Variants in SRBD1 observed in about 807,000 individuals in gnomAD.
The protein encoded by SRBD1 is S1 RNA binding domain 1.
Under a neutral mutation model 115.3 loss-of-function variants are expected in SRBD1, and 88 were observed. The ratio of observed to expected loss-of-function variants is 0.76; its 90% CI spans 0.64 to 0.91. The LOEUF (loss-of-function observed/expected upper bound fraction) is 0.91, where lower values mean the gene tolerates loss of function less well. Among genes scored for constraint, SRBD1 ranks in the 40% least tolerant of loss-of-function variants. The pLI is 0.00. For missense variants in SRBD1, 1,385 were observed against 1,177.4 expected (o/e 1.18, Z -2.58); for synonymous variants, 509 against 407.7 (o/e 1.25, Z -2.99).
rs201406220 is a variant in SRBD1 at position 45,573,310 on chromosome 2, G to C, written c.1202C>G (p.Ser401Cys). 2.7e-4 allele frequency: 434 copies of C among 1,611,522 alleles called. No individual in the cohort carries two copies. Among genetic ancestry groups the C allele is most frequent in the Non-Finnish European group, 3.6e-4 (423 of 1,179,140 alleles). Residue 401 changes from serine (S) to cysteine (C), a missense_variant, in exon 9 of 21, where the codon TCT (serine) becomes TGT (cysteine). Transcript: ENST00000263736. ...CQKRHVCIQS[S>C]LAKVSSKKVN... ...CTTTTTTGAGGATACTTTTGCCAGA[G>C]ATGACTGGATACAAACATGTCTCTT...
chr2:45,586,197 G>A (rs1030975505), intron 4 of SRBD1, among the ~76,000 whole-genome samples: 1 of 152,104 alleles, frequency 6.6e-6, no homozygotes, highest in East Asian at 1.9e-4. Context: ...ACAAACTTTG[G>A]CCCAGCAGCA....
chr2:45,569,969 C>A (rs1157523716), intron 9 of SRBD1, among the ~76,000 whole-genome samples: 1 of 152,224 alleles, frequency 6.6e-6, no homozygotes, highest in African/African-American at 2.4e-5. Flanking sequence ...TTTCTTCAGA[C>A]ATTCACTAGA....
At chr2:45,578,770 C>A (rs1455392363) in intron 7 of SRBD1, among the ~76,000 whole-genome samples, 2 of 152,106 alleles carry the variant, frequency 1.3e-5, no homozygotes, top group African/African-American at 4.8e-5. Flanking sequence ...GACTAGAGTT[C>A]TAACATACAA....
rs1259836192 is a variant in SRBD1, at chr2:45,599,819, A to G, written c.278T>C (p.Ile93Thr). 3.7e-6 allele frequency: 6 copies of G among 1,612,650 alleles called. No individual in the cohort carries two copies. In the African/African-American group the frequency reaches 4.0e-5, roughly 11 times the overall value. ...TCTGTCTTCTAAAGCAGTATCAGCAATAGCCACAGAGCTATTCTATCAAAC... is the reference window on the plus strand; with the variant it reads ...TCTGTCTTCTAAAGCAGTATCAGCAGTAGCCACAGAGCTATTCTATCAAAC... Reference protein sequence around the residue: ...VKEELNSSVAIADTALEDRKN... With the variant: ...VKEELNSSVATADTALEDRKN... Residue 93 changes from isoleucine (I) to threonine (T), a missense_variant, in exon 4 of 21, where the codon ATT becomes ACT. Coordinates refer to ENST00000263736, the MANE Select transcript of SRBD1 (RefSeq NM_018079.5).
intron 14 of SRBD1, among the ~76,000 whole-genome samples, chr2:45,523,188 T>C (rs946746098): frequency 7.1e-6 from 1 of 141,184 alleles, no homozygotes; most frequent in African/African-American, 2.7e-5. Flanking sequence ...CTAAAGGATA[T>C]AGCTAAGAAC....
At chr2:45,469,715 A>G (rs564715032) in intron 16 of SRBD1, among the ~76,000 whole-genome samples, 10 of 152,290 alleles carry the variant, frequency 6.6e-5, no homozygotes, top group African/African-American at 1.9e-4. Flanking sequence ...ATTCTAACAC[A>G]TGAGTTGGGT....
intron 2 of SRBD1, among the ~76,000 whole-genome samples, chr2:45,602,759 T>C (rs1674139298): frequency 6.6e-6 from 1 of 152,236 alleles, no homozygotes; most frequent in Non-Finnish European, 1.5e-5. Context: ...GCCAACCCAG[T>C]TAATTCCATT....
intron 16 of SRBD1, among the ~76,000 whole-genome samples, chr2:45,430,253 A>T (rs1222546074): frequency 6.6e-6 from 1 of 152,184 alleles, no homozygotes; most frequent in Non-Finnish European, 1.5e-5. Context: ...CCCCCCATCA[A>T]GCTACCACTG....
At chr2:45,608,375 T>C (rs902677866) in intron 1 of SRBD1, among the ~76,000 whole-genome samples, 9 of 152,152 alleles carry the variant, frequency 5.9e-5, no homozygotes, top group Admixed American at 3.3e-4. Flanking sequence ...TTAGAAAGAA[T>C]ATATACAAAA....
chr2:45,518,645 A>T (rs1245160389), intron 14 of SRBD1, among the ~76,000 whole-genome samples: 1 of 152,182 alleles, frequency 6.6e-6, no homozygotes, highest in African/African-American at 2.4e-5. Flanking sequence ...CCTTTGTAAG[A>T]ATCAACCAAG....
chr2:45,562,551 A>G, intron 10 of SRBD1, 102 bp downstream of exon 10: 1 of 934,170 alleles, frequency 1.1e-6, no homozygotes, highest in Non-Finnish European at 1.5e-6. Context: ...CTTTTTAAAA[A>G]TGTTCACGTA....
chr2:45,530,818 A>T (rs1005676412), intron 14 of SRBD1, among the ~76,000 whole-genome samples: 1 of 152,018 alleles, frequency 6.6e-6, no homozygotes, highest in Non-Finnish European at 1.5e-5. Context: ...TACTTTGCCT[A>T]TGTCAACAAA....
intron 19 of SRBD1, among the ~76,000 whole-genome samples, chr2:45,409,334 G>A (rs1170779456): frequency 1.3e-5 from 2 of 151,790 alleles, no homozygotes; most frequent in Non-Finnish European, 2.9e-5. Flanking sequence ...AGAAGTCTAT[G>A]AATCCCTGTG....
intron 1 of SRBD1, among the ~76,000 whole-genome samples, chr2:45,605,801 G>A (rs959441386): frequency 2.0e-5 from 3 of 151,924 alleles, no homozygotes; most frequent in Non-Finnish European, 4.4e-5. Flanking sequence ...CTACTGGGGA[G>A]GCTGAGGCAG....
chr2:45,550,188 T>C (rs540387840), intron 12 of SRBD1, among the ~76,000 whole-genome samples: 17 of 152,012 alleles, frequency 1.1e-4, no homozygotes, highest in Non-Finnish European at 2.2e-4. Flanking sequence ...GGATAGAGGA[T>C]TAATTAACTT....
intron 6 of SRBD1, among the ~76,000 whole-genome samples, chr2:45,581,045 A>G (rs1265728167): frequency 2.0e-5 from 3 of 152,038 alleles, no homozygotes; most frequent in South Asian, 2.1e-4. Context: ...CTCTTCTCAC[A>G]TACCTTGCAG....
chr2:45,611,197 C>T (rs1249917842), intron 1 of SRBD1, 22 bp downstream of exon 1: 1 of 152,264 alleles, frequency 6.6e-6, no homozygotes, highest in Non-Finnish European at 1.5e-5. Flanking sequence ...AAGACGACCG[C>T]CAAGGCGCAC....
chr2:45,442,712 T>G (rs1330537986), intron 16 of SRBD1, among the ~76,000 whole-genome samples: 2 of 152,162 alleles, frequency 1.3e-5, no homozygotes, highest in Non-Finnish European at 2.9e-5. Flanking sequence ...GGAGTAAATC[T>G]CAGCTTAGAA....
intron 15 of SRBD1, 28 bp downstream of exon 15, chr2:45,488,212 G>A (rs747624370): frequency 6.3e-7 from 1 of 1,582,892 alleles, no homozygotes; most frequent in Middle Eastern, 1.7e-4. Context: ...AAAATCACAT[G>A]TTTTTGTGAT....
Sources: allele counts gnomAD v4.1 joint callset (sites outside exome capture counted in the v4.1 genomes callset), GRCh38; gene constraint gnomAD v4.1.1; transcripts MANE v1.5; gene names NCBI Gene and HGNC (gene_info 2026-07-23, HGNC 2026-07-21).